KCNJ3: variants seen among roughly 807,000 people sequenced by gnomAD.
The protein encoded by KCNJ3 is potassium inwardly rectifying channel subfamily J member 3.
Under a neutral mutation model 39.2 loss-of-function variants are expected in KCNJ3, and 4 were observed. The ratio of observed to expected loss-of-function variants is 0.10; its 90% CI spans 0.05 to 0.23. The LOEUF is 0.23. Among genes scored for constraint, KCNJ3 ranks in the 10% least tolerant of loss-of-function variants. The pLI is 1.00. For synonymous variants in KCNJ3, 230 were observed against 237.4 expected, an observed-to-expected ratio of 0.97 and a Z score of 0.29; for missense variants, 276 against 634.9, an observed-to-expected ratio of 0.43 and a Z score of 6.08.
intron 2 of KCNJ3, among the ~76,000 whole-genome samples, chr2:154,754,469 T>C (rs2105184164): frequency 6.6e-6 from 1 of 152,320 alleles, no homozygotes; most frequent in East Asian, 1.9e-4. Flanking sequence ...GAGATGGGGT[T>C]TCACTGTGTT....
intron 2 of KCNJ3, among the ~76,000 whole-genome samples, chr2:154,842,768 C>CT (rs1039017625): frequency 2.5e-4 from 38 of 151,636 alleles, no homozygotes; most frequent in East Asian, 2.3e-3. Context: ...GCAACACCTG[C>CT]TTTTTTTTTC....
intron 2 of KCNJ3, among the ~76,000 whole-genome samples, chr2:154,719,076 C>G (rs1685226016): frequency 6.6e-6 from 1 of 152,104 alleles, no homozygotes; most frequent in South Asian, 2.1e-4. Flanking sequence ...TTGGGACTAC[C>G]TGTATCATAA....
chr2:154,711,264 C>A (rs1281300397), intron 2 of KCNJ3, among the ~76,000 whole-genome samples: 1 of 151,908 alleles, frequency 6.6e-6, no homozygotes, highest in South Asian at 2.1e-4. Flanking sequence ...CTTTACATTT[C>A]CATTTTTACT....
chr2:154,846,780 A>ATTAT lies in KCNJ3; in HGVS notation c.920-7944_920-7941dup, dbSNP rs1173779901. On this transcript the variant is annotated intron_variant, in intron 2 of 2. Coordinates refer to ENST00000295101, the MANE Select transcript of KCNJ3 (RefSeq NM_002239.4). Reference sequence around the variant, plus strand: ...TTCTGTTGGTCATTGTTAAAAATCTATTATTTCTTCTTTTGTTCTGGGAGC... The same window carrying ATTAT: ...TTCTGTTGGTCATTGTTAAAAATCTATTATTTATTTCTTCTTTTGTTCTGGGAGC... Among the ~76,000 whole-genome samples, 7 of 96,718 alleles carry ATTAT rather than the reference A, an allele frequency of 7.2e-5. No homozygotes were observed. In the East Asian group the frequency reaches 2.1e-3, roughly 29 times the overall value. The allele number at this position is 96,718 out of a possible 152,430, so 63.5% of individuals were successfully genotyped here.
chr2:154,811,856 T>C (rs915957559), intron 2 of KCNJ3, among the ~76,000 whole-genome samples: 5 of 152,208 alleles, frequency 3.3e-5, no homozygotes, highest in African/African-American at 1.2e-4. Flanking sequence ...TTTAATACAC[T>C]AACCTTGGAA....
At chr2:154,825,573 T>TTTAG (rs1171198514) in intron 2 of KCNJ3, among the ~76,000 whole-genome samples, 1 of 149,370 alleles carries the variant, frequency 6.7e-6, no homozygotes, top group Non-Finnish European at 1.5e-5. Context: ...TATTTATTTA[T>TTTAG]TTATTTATTT....
chr2:154,712,976 G>C (rs986579253), intron 2 of KCNJ3, among the ~76,000 whole-genome samples: 3 of 151,838 alleles, frequency 2.0e-5, no homozygotes, highest in African/African-American at 7.3e-5. Flanking sequence ...CAAGGGCCCT[G>C]AGCTGGGAAT....
At chr2:154,839,645 A>G (rs926979438) in intron 2 of KCNJ3, among the ~76,000 whole-genome samples, 1 of 152,148 alleles carries the variant, frequency 6.6e-6, no homozygotes, top group Non-Finnish European at 1.5e-5. Flanking sequence ...ATGAGATGGT[A>G]TCTCATTGTG....
chr2:154,765,763 A>T (rs901231720), intron 2 of KCNJ3, among the ~76,000 whole-genome samples: 18 of 152,194 alleles, frequency 1.2e-4, no homozygotes, highest in African/African-American at 4.3e-4. Context: ...CAATAACTTT[A>T]CATACATCCT....
chr2:154,849,083 G>C (rs1400933466), intron 2 of KCNJ3, among the ~76,000 whole-genome samples: 1 of 152,084 alleles, frequency 6.6e-6, no homozygotes. Flanking sequence ...CCTCAAGCCT[G>C]ATTTCTTATG....
intron 2 of KCNJ3, among the ~76,000 whole-genome samples, chr2:154,753,200 G>A (rs947552762): frequency 1.3e-5 from 2 of 151,944 alleles, no homozygotes; most frequent in African/African-American, 4.8e-5. Context: ...AAAGTCAAAG[G>A]CCAGTGATAT....
chr2:154,854,470 T>A (rs1363427853), intron 2 of KCNJ3, among the ~76,000 whole-genome samples: 2 of 152,176 alleles, frequency 1.3e-5, no homozygotes, highest in Admixed American at 6.5e-5. Flanking sequence ...GCTTTTGGTT[T>A]GTGGTTAATA....
intron 2 of KCNJ3, among the ~76,000 whole-genome samples, chr2:154,782,748 A>T (rs1442930537): frequency 6.6e-6 from 1 of 152,234 alleles, no homozygotes; most frequent in Admixed American, 6.5e-5. Context: ...CAAAGCACAG[A>T]GAAGCCTATC....
At chr2:154,846,947 T>C (rs1370825454) in intron 2 of KCNJ3, among the ~76,000 whole-genome samples, 2 of 152,182 alleles carry the variant, frequency 1.3e-5, no homozygotes, top group African/African-American at 4.8e-5. Flanking sequence ...TGAGCAGTAG[T>C]GGCAAACTGA....
At chr2:154,819,581 A>T (rs781565978) in intron 2 of KCNJ3, among the ~76,000 whole-genome samples, 8 of 151,944 alleles carry the variant, frequency 5.3e-5, no homozygotes, top group Non-Finnish European at 1.0e-4. Context: ...ACCAGGCTGG[A>T]GTGCAGTGGC....
chr2:154,724,299 A>C (rs970479040), intron 2 of KCNJ3, among the ~76,000 whole-genome samples: 1 of 152,012 alleles, frequency 6.6e-6, no homozygotes, highest in African/African-American at 2.4e-5. Flanking sequence ...CACACACTTA[A>C]GGTTAATCGA....
At chr2:154,804,907 AGTT>A (rs1314664477) in intron 2 of KCNJ3, among the ~76,000 whole-genome samples, 1 of 152,150 alleles carries the variant, frequency 6.6e-6, no homozygotes, top group Non-Finnish European at 1.5e-5. Context: ...ACATCATTTG[AGTT>A]GTTTATATTA....
chr2:154,773,196 T>A (rs916849223), intron 2 of KCNJ3, among the ~76,000 whole-genome samples: 4 of 152,156 alleles, frequency 2.6e-5, no homozygotes, highest in African/African-American at 9.6e-5. Context: ...TTTTAATGCA[T>A]TTAGTCTCTG....
chr2:154,711,062 C>A (rs192983903), intron 2 of KCNJ3, among the ~76,000 whole-genome samples: 1 of 152,010 alleles, frequency 6.6e-6, no homozygotes, highest in East Asian at 1.9e-4. Context: ...ATTATTATTA[C>A]GATTTTAAGG....
Sources: allele counts gnomAD v4.1 joint callset (sites outside exome capture counted in the v4.1 genomes callset), GRCh38; gene constraint gnomAD v4.1.1; transcripts MANE v1.5; gene names NCBI Gene and HGNC (gene_info 2026-07-23, HGNC 2026-07-21).